PLA2G4A: variants seen among roughly 807,000 people sequenced by gnomAD.
PLA2G4A encodes cytosolic phospholipase A2.
In PLA2G4A, 40 loss-of-function variants were observed where a neutral mutation model predicts 81.9. That is an observed-to-expected ratio of 0.49 (90% CI 0.38 to 0.64). The LOEUF (loss-of-function observed/expected upper bound fraction) is 0.64. PLA2G4A is among the 30% of genes least tolerant of loss of function. PLA2G4A has a pLI of 0.00. For missense variants in PLA2G4A, 715 were observed against 905.1 expected (o/e 0.79, Z 2.69); for synonymous variants, 302 against 296.9 (o/e 1.02, Z -0.18).
chr1:186,918,562 G>A (rs975615078), intron 7 of PLA2G4A, among the ~76,000 whole-genome samples: 1 of 152,086 alleles, frequency 6.6e-6, no homozygotes, highest in Non-Finnish European at 1.5e-5. Context: ...CGCATATCCT[G>A]CACATCTTTC....
rs12720506 is a variant in PLA2G4A at position 186,869,518 on chromosome 1, C to G, written c.34-917C>G. Reference sequence around the variant, plus strand: ...GTCTAATTTTTGTCCATATATTCTACTACTGCTGGTCCTTATCAATCTGTC... The same window carrying G: ...GTCTAATTTTTGTCCATATATTCTAGTACTGCTGGTCCTTATCAATCTGTC... On this transcript the variant is annotated intron_variant, in intron 2 of 17. Transcript: ENST00000367466. 5.7e-3 allele frequency among the ~76,000 whole-genome samples: 868 copies of G among 152,266 alleles called. 2 individuals are homozygous for G. The highest frequency in any genetic ancestry group is 8.6e-3 in the Non-Finnish European group (583 of 68,024).
chr1:186,930,998 C>T (rs1655725084), intron 7 of PLA2G4A, among the ~76,000 whole-genome samples: 1 of 151,702 alleles, frequency 6.6e-6, no homozygotes, highest in Admixed American at 6.6e-5. Flanking sequence ...AATTCAAATC[C>T]CTCCTCTTCA....
intron 15 of PLA2G4A, among the ~76,000 whole-genome samples, chr1:186,975,302 A>G (rs530275574): frequency 6.8e-4 from 103 of 152,382 alleles, no homozygotes; most frequent in African/African-American, 2.2e-3. Flanking sequence ...TATTTATCAT[A>G]ATAGTTTATG....
intron 13 of PLA2G4A, among the ~76,000 whole-genome samples, chr1:186,951,941 A>G (rs1002111422): frequency 6.6e-6 from 1 of 152,150 alleles, no homozygotes; most frequent in Admixed American, 6.5e-5. Flanking sequence ...GCCTAATCAA[A>G]TAATGACCAG....
At chr1:186,865,535 TTGC>T (rs1323142027) in intron 2 of PLA2G4A, among the ~76,000 whole-genome samples, 1 of 152,192 alleles carries the variant, frequency 6.6e-6, no homozygotes, top group Non-Finnish European at 1.5e-5. Flanking sequence ...AAGGTGCCTA[TTGC>T]CAGTTGTGGT....
intron 1 of PLA2G4A, among the ~76,000 whole-genome samples, chr1:186,848,555 T>C (rs1652266784): frequency 6.6e-6 from 1 of 152,126 alleles, no homozygotes; most frequent in South Asian, 2.1e-4. Context: ...TCCTTTCACA[T>C]CCAAGTTAAC....
At chr1:186,946,090 G>A (rs1320432736) in intron 10 of PLA2G4A, among the ~76,000 whole-genome samples, 2 of 152,144 alleles carry the variant, frequency 1.3e-5, no homozygotes, top group Non-Finnish European at 2.9e-5. Flanking sequence ...CGCTTAGACA[G>A]TATACATCTC....
At chr1:186,833,884 A>G (rs527787307) in intron 1 of PLA2G4A, among the ~76,000 whole-genome samples, 1 of 152,318 alleles carries the variant, frequency 6.6e-6, no homozygotes, top group South Asian at 2.1e-4. Flanking sequence ...GAAAGTTATC[A>G]GTGTCAGAGT....
chr1:186,980,058 C>CT (rs1407113429), intron 17 of PLA2G4A, among the ~76,000 whole-genome samples: 1 of 149,470 alleles, frequency 6.7e-6, no homozygotes, highest in African/African-American at 2.4e-5. Context: ...CGCCATTCTC[C>CT]TGCCTCAGCC....
intron 17 of PLA2G4A, among the ~76,000 whole-genome samples, chr1:186,985,840 GAA>G (rs1657875996): frequency 6.6e-6 from 1 of 152,120 alleles, no homozygotes; most frequent in African/African-American, 2.4e-5. Flanking sequence ...AGGGAAGAAT[GAA>G]AGAGATACAA....
intron 16 of PLA2G4A, among the ~76,000 whole-genome samples, chr1:186,978,341 A>C (rs1657603282): frequency 1.3e-5 from 2 of 152,156 alleles, no homozygotes; most frequent in Non-Finnish European, 2.9e-5. Flanking sequence ...TGATTAACCA[A>C]AGGAGATCTA....
intron 13 of PLA2G4A, 99 bp downstream of exon 13, chr1:186,950,827 T>A: frequency 1.3e-6 from 1 of 740,970 alleles, no homozygotes; most frequent in Non-Finnish European, 2.5e-6. Flanking sequence ...TAATCTTCAC[T>A]TCAGACACGG....
At chr1:186,969,394 C>A (rs1657261728) in intron 15 of PLA2G4A, among the ~76,000 whole-genome samples, 1 of 151,824 alleles carries the variant, frequency 6.6e-6, no homozygotes, top group African/African-American at 2.4e-5. Context: ...TTTATCACCT[C>A]TTTGTGTTAG....
At chr1:186,984,897 G>A (rs972946289) in intron 17 of PLA2G4A, among the ~76,000 whole-genome samples, 1 of 152,160 alleles carries the variant, frequency 6.6e-6, no homozygotes, top group African/African-American at 2.4e-5. Flanking sequence ...CTCAAGACTA[G>A]CCTATGAGGT....
At chr1:186,908,488 G>T (rs192227622) in intron 6 of PLA2G4A, among the ~76,000 whole-genome samples, 39 of 151,928 alleles carry the variant, frequency 2.6e-4, no homozygotes, top group African/African-American at 8.9e-4. Flanking sequence ...GGTAAAATAA[G>T]AAAAGAATAC....
chr1:186,852,506 G>A (rs1043268974), intron 1 of PLA2G4A, among the ~76,000 whole-genome samples: 3 of 152,054 alleles, frequency 2.0e-5, no homozygotes, highest in Non-Finnish European at 2.9e-5. Flanking sequence ...TGGAAGCTGG[G>A]AAGTCCAAGG....
intron 2 of PLA2G4A, among the ~76,000 whole-genome samples, chr1:186,859,086 T>G (rs1652703546): frequency 6.6e-6 from 1 of 152,164 alleles, no homozygotes; most frequent in Non-Finnish European, 1.5e-5. Flanking sequence ...TTAATAGTAA[T>G]GAGCTCTTGG....
chr1:186,891,971 G>A (rs539993103), intron 3 of PLA2G4A, among the ~76,000 whole-genome samples: 1 of 152,084 alleles, frequency 6.6e-6, no homozygotes, highest in Admixed American at 6.5e-5. Context: ...GTTATTGCCT[G>A]GATATAAGCC....
At chr1:186,975,200 GA>G (rs1173223624) in intron 15 of PLA2G4A, among the ~76,000 whole-genome samples, 1 of 152,000 alleles carries the variant, frequency 6.6e-6, no homozygotes, top group Non-Finnish European at 1.5e-5. Flanking sequence ...TGAATAGAGG[GA>G]AAAAAAGAAG....
Sources: gnomAD v4.1 joint callset for allele counts (sites outside exome capture counted in the v4.1 genomes callset) on GRCh38, gnomAD v4.1.1 for gene constraint, MANE v1.5 for transcripts, NCBI Gene and HGNC (gene_info 2026-07-23, HGNC 2026-07-21) for gene names.